ZNF189: variants seen among roughly 807,000 people sequenced by gnomAD.
ZNF189 encodes zinc finger protein 189.
Under a neutral mutation model 53.5 loss-of-function variants are expected in ZNF189, and 33 were observed. That is an observed-to-expected ratio of 0.62 (90% CI 0.47 to 0.82). The LOEUF is 0.82. Among genes scored for constraint, ZNF189 ranks in the 40% least tolerant of loss-of-function variants. The pLI is 0.00. For synonymous variants in ZNF189, 247 were observed against 238.8 expected (o/e 1.03, Z -0.32); for missense variants, 711 against 753.9 (o/e 0.94, Z 0.67).
chr9:101,401,198 C>A, intron 2 of ZNF189, among the ~76,000 whole-genome samples: 1 of 152,154 alleles, frequency 6.6e-6, no homozygotes, highest in East Asian at 1.9e-4. Context: ...CCTTTTTCTT[C>A]CACTCTCCAC....
intron 2 of ZNF189, 70 bp downstream of exon 2, chr9:101,400,080 T>G (rs867538443): frequency 6.3e-7 from 1 of 1,575,088 alleles, no homozygotes; most frequent in Middle Eastern, 1.7e-4. Flanking sequence ...ACAGAACATT[T>G]GGACGGAAAC....
intron 2 of ZNF189, among the ~76,000 whole-genome samples, chr9:101,404,514 T>A (rs1035724192): frequency 1.3e-5 from 2 of 152,202 alleles, no homozygotes; most frequent in African/African-American, 4.8e-5. Context: ...TTTATGGATC[T>A]TACACATTTC....
chr9:101,399,114 G>A lies in ZNF189; in HGVS notation c.-43G>A, dbSNP rs773375592. ...TAGGCCTCACCAGAGGCTCCTTTCC[G>A]TGAGGCCGCCCCCAATTCCTGCCCC... On this transcript the variant is annotated 5_prime_UTR_variant, in exon 1 of 3. It adds an upstream start codon to the 5' untranslated region. Transcript: ENST00000339664. The A allele has an allele frequency of 2.7e-6, 4 of 1,488,970 alleles. No individual in the cohort carries two copies. The highest frequency in any genetic ancestry group is 1.7e-4 in the Middle Eastern group (1 of 5,824). The allele number at this position is 1,488,970 out of a possible 1,614,324, so 92.2% of individuals were successfully genotyped here.
chr9:101,404,839 C>T (rs568681257), intron 2 of ZNF189, among the ~76,000 whole-genome samples: 5 of 152,094 alleles, frequency 3.3e-5, no homozygotes, highest in South Asian at 2.1e-4. Flanking sequence ...AGACAAATAA[C>T]GAACAGTTAA....
In ZNF189 at chr9:101,408,280, C is replaced by G; in HGVS notation, c.512C>G (p.Thr171Ser). ...TTCATTCAACATCAAAGGGTCCATA[C>G]TGGTGAGAAACCTTTTCAGTGCAAT... ...AHFIQHQRVH[T>S]GEKPFQCNEC... The change falls in exon 3 of 3, where the codon ACT (threonine) becomes AGT (serine). Residue 171 changes from threonine to serine, a missense_variant. Thr to Ser is a moderately conservative substitution (Grantham distance 58, BLOSUM62 1). Transcript: ENST00000339664. 6.2e-7 allele frequency: 1 copy of G among 1,614,148 alleles called. No individual in the cohort carries two copies. Among genetic ancestry groups the G allele is most frequent in the Non-Finnish European group, 8.5e-7 (1 of 1,180,016 alleles).
intron 1 of ZNF189, chr9:101,399,390 T>A: frequency 7.3e-7 from 1 of 1,378,484 alleles, no homozygotes; most frequent in Non-Finnish European, 9.3e-7. Flanking sequence ...TTTTTCTTTT[T>A]CTAGAGAGAC....
At chr9:101,407,446 C>T (rs529406845) in intron 2 of ZNF189, 18 of 398,666 alleles carry the variant, frequency 4.5e-5, no homozygotes, top group South Asian at 1.3e-4. Flanking sequence ...TGTGCAGCGA[C>T]GCAAACACAG....
intron 1 of ZNF189, 79 bp downstream of exon 1, chr9:101,399,268 GC>G (rs1830440545): frequency 2.1e-6 from 3 of 1,399,816 alleles, no homozygotes; most frequent in Admixed American, 2.3e-5. Flanking sequence ...TCTCCCCCAG[GC>G]CCCCCACCAA....
Position 101,403,508 on chromosome 9 carries a change from G to C in ZNF189, c.160+3498G>C, listed in dbSNP as rs113256311. Among the ~76,000 whole-genome samples the C allele has an allele frequency of 2.9e-3, 448 of 152,190 alleles. 1 individual carries two copies. Among genetic ancestry groups the C allele is most frequent in the African/African-American group, 0.01 (428 of 41,518 alleles). ...AATGCAACTCTTGTCTAGCTTTATAGTTTTGGCTTTTCATTCATACTTTTC... is the reference window on the plus strand; with the variant it reads ...AATGCAACTCTTGTCTAGCTTTATACTTTTGGCTTTTCATTCATACTTTTC... On this transcript the variant is annotated intron_variant, in intron 2 of 2. Transcript: ENST00000339664.
In ZNF189 at chr9:101,409,670, T is replaced by C; in HGVS notation, c.*21T>C. 6.4e-7 allele frequency: 1 copy of C among 1,567,366 alleles called. No individual in the cohort carries two copies. The highest frequency in any genetic ancestry group is 8.6e-7 in the Non-Finnish European group (1 of 1,160,174). ...AATAAATGTAGAGCAATACATAAGC[T>C]CAATTTGATTTGAGACTAGTACCCA... is the stretch of plus-strand genomic sequence containing the variant. On this transcript the variant is annotated 3_prime_UTR_variant, in exon 3 of 3. Transcript: ENST00000339664.
At chr9:101,403,937 T>C (rs959333948) in intron 2 of ZNF189, among the ~76,000 whole-genome samples, 9 of 152,376 alleles carry the variant, frequency 5.9e-5, no homozygotes, top group African/African-American at 2.2e-4. Flanking sequence ...TTTCTCCTTA[T>C]GTTCACATTC....
chr9:101,409,017 C>A lies in ZNF189; in HGVS notation c.1249C>A (p.Gln417Lys). The change falls in exon 3 of 3, where the codon CAG (glutamine) becomes AAG (lysine). Residue 417 changes from glutamine (Q) to lysine (K), a missense_variant. Coordinates refer to ENST00000339664, the MANE Select transcript of ZNF189 (RefSeq NM_003452.4). Reference sequence around the variant, plus strand: ...CTTTAGTAGAAGCTCAGGTCTTATTCAGCATCAGAGAATTCACACCAGGGA... The same window carrying A: ...CTTTAGTAGAAGCTCAGGTCTTATTAAGCATCAGAGAATTCACACCAGGGA... ...KAFSRSSGLI[Q>K]HQRIHTREKT... The A allele has an allele frequency of 6.2e-7, 1 of 1,614,062 alleles. No homozygotes were observed. The highest frequency in any genetic ancestry group is 8.5e-7 in the Non-Finnish European group (1 of 1,180,012).
chr9:101,405,448 A>G (rs1161650048), intron 2 of ZNF189, among the ~76,000 whole-genome samples: 1 of 152,144 alleles, frequency 6.6e-6, no homozygotes, highest in Non-Finnish European at 1.5e-5. Flanking sequence ...AGGGTAATGG[A>G]TGATGGTGCC....
In ZNF189 at chr9:101,408,405, T is replaced by G; in HGVS notation, c.637T>G (p.Phe213Val). The G allele has an allele frequency of 6.2e-7, 1 of 1,613,864 alleles. No individual in the cohort carries two copies. Among genetic ancestry groups the G allele is most frequent in the Non-Finnish European group, 8.5e-7 (1 of 1,179,966 alleles). The change falls in exon 3 of 3, where the codon TTT becomes GTT. Residue 213 changes from phenylalanine to valine, a missense_variant. By Grantham distance (50) the Phe-to-Val change is conservative (BLOSUM62 -1). Coordinates refer to ENST00000339664, the MANE Select transcript of ZNF189 (RefSeq NM_003452.4). ...PYECNYCGKT[F>V]SVSSTLIRHQ... is the part of the protein sequence containing the mutation. ...TGAGTGTAATTACTGTGGAAAAACC[T>G]TTAGTGTGAGCTCAACCCTTATTAG...
chr9:101,399,374 T>C (rs1460879825), intron 1 of ZNF189, 185 bp downstream of exon 1: 13 of 636,104 alleles, frequency 2.0e-5, no homozygotes, highest in South Asian at 4.7e-5. Flanking sequence ...ACTGGCTCCC[T>C]TTTTTTTTTT....
Position 101,409,890 on chromosome 9 carries a change from CA to C in ZNF189, c.*242del. 1 of 456,046 alleles carries C rather than the reference CA, an allele frequency of 2.2e-6. No homozygotes were observed. Among genetic ancestry groups the C allele is most frequent in the Non-Finnish European group, 3.8e-6 (1 of 261,162 alleles). 28.2% of individuals were successfully genotyped at this position (456,046 alleles called of 1,614,324 possible). A position where few individuals can be genotyped will look rare whatever the true frequency, so the allele number is the denominator to read the frequency against. On this transcript the variant is annotated 3_prime_UTR_variant, in exon 3 of 3. Coordinates refer to ENST00000339664, the MANE Select transcript of ZNF189 (RefSeq NM_003452.4). ...TAAGTATCTTTAATAAATCTTTCAG[CA>C]GAGAGATTAAACCTAGGTTCAGAGC...
chr9:101,399,244 C>T (rs1461326285), intron 1 of ZNF189, 55 bp downstream of exon 1: 2 of 1,488,718 alleles, frequency 1.3e-6, no homozygotes, highest in Non-Finnish European at 1.8e-6. Context: ...CCCAGCTAGG[C>T]CGCACCACTG....
intron 2 of ZNF189, among the ~76,000 whole-genome samples, chr9:101,406,055 CAAA>C (rs5899441): frequency 8.0e-6 from 1 of 125,040 alleles, no homozygotes; most frequent in Non-Finnish European, 1.7e-5. Context: ...AACTCTGTCT[CAAA>C]AAAAAAAAAA....
Position 101,399,872 on chromosome 9 carries a change from A to ATAC in ZNF189, c.34-9_34-7dup. The ATAC allele has an allele frequency of 6.2e-7, 1 of 1,614,060 alleles. No individual in the cohort carries two copies. Among genetic ancestry groups the ATAC allele is most frequent in the Non-Finnish European group, 8.5e-7 (1 of 1,179,984 alleles). On this transcript the variant is annotated splice_polypyrimidine_tract_variant and intron_variant, in intron 1 of 2. Coordinates refer to ENST00000339664, the MANE Select transcript of ZNF189 (RefSeq NM_003452.4). Reference sequence around the variant, plus strand: ...ACAACAGGAACTGACTACAGAAATCATACTATTTCAGGGGTTGCTGACATT... The same window carrying ATAC: ...ACAACAGGAACTGACTACAGAAATCATACTACTATTTCAGGGGTTGCTGACATT...
Sources: gnomAD v4.1 joint callset for allele counts (sites outside exome capture counted in the v4.1 genomes callset) on GRCh38, gnomAD v4.1.1 for gene constraint, MANE v1.5 for transcripts, NCBI Gene and HGNC (gene_info 2026-07-23, HGNC 2026-07-21) for gene names.